The following GPR17 variants were observed in gnomAD, a reference collection of about 807,000 sequenced individuals.
The protein encoded by GPR17 is G protein-coupled receptor 17, also known as uracil nucleotide/cysteinyl leukotriene receptor.
A neutral mutation model predicts 1.5 loss-of-function variants in GPR17; 4 were observed. The ratio of observed to expected loss-of-function variants is 2.73; its 90% CI spans 1.35 to 6.25. The LOEUF (loss-of-function observed/expected upper bound fraction) is 6.25. GPR17 is among the 30% of genes most tolerant of loss of function. The pLI is 0.00. For synonymous variants in GPR17, 209 were observed against 207.6 expected, an observed-to-expected ratio of 1.01 and a Z score of -0.06; for missense variants, 463 against 462.1, an observed-to-expected ratio of 1.00 and a Z score of -0.02.
At chr2:127,646,860 C>A (rs1406555925) in intron 1 of GPR17, among the ~76,000 whole-genome samples, 5 of 152,238 alleles carry the variant, frequency 3.3e-5, no homozygotes, top group African/African-American at 1.2e-4. Flanking sequence ...GAGAGTGAAG[C>A]GGGGCCCATC....
rs1683814322 is a variant in GPR17 at position 127,651,689 on chromosome 2, G to A, written c.954G>A (p.Lys318=). 6.2e-7 allele frequency: 1 copy of A among 1,613,282 alleles called. No individual in the cohort carries two copies. The part of the protein sequence containing the change: ...LCNLLCGKRL[K]GPPPSFEGKT... Reference sequence around the variant, plus strand: ...ACTTGCTCTGTGGCAAAAGGCTCAAGGGCCCGCCCCCCAGCTTCGAAGGGA... The same window carrying A: ...ACTTGCTCTGTGGCAAAAGGCTCAAAGGCCCGCCCCCCAGCTTCGAAGGGA... Residue 318 remains lysine, a synonymous_variant, in exon 2 of 2, where the codon AAG becomes AAA. Coordinates refer to ENST00000486700, the MANE Select transcript of GPR17 (RefSeq NM_001161417.2).
At position 127,651,119 on chromosome 2, in the gene GPR17, C is replaced by T. The variant is rs766633812; in HGVS notation, c.384C>T (p.Asp128=). Residue 128 remains aspartate, a synonymous_variant, in exon 2 of 2, where the codon GAC becomes GAT. Transcript: ENST00000486700. ...SIYFLTCISA[D]RFLAIVHPVK... ...ACTTCCTCACCTGCATCAGCGCCGA[C>T]CGTTTCCTGGCCATTGTGCACCCGG... 1 of 1,613,578 alleles carries T rather than the reference C, an allele frequency of 6.2e-7. No homozygotes were observed. The highest frequency in any genetic ancestry group is 2.2e-5 in the East Asian group (1 of 44,888).
intron 1 of GPR17, chr2:127,649,911 G>C (rs1683534762): frequency 1.0e-6 from 1 of 955,008 alleles, no homozygotes; most frequent in Non-Finnish European, 1.6e-6. Flanking sequence ...AAGAGATGCT[G>C]CCCCCTGGTG....
In GPR17 at chr2:127,651,325, T is replaced by C. The variant is rs372161035; in HGVS notation, c.590T>C (p.Leu197Pro). Residue 197 changes from leucine (L) to proline (P), a missense_variant, in exon 2 of 2, where the codon CTG (leucine) becomes CCG (proline). Physicochemically the swap from Leu to Pro is moderately conservative, Grantham distance 98. Transcript: ENST00000486700. ...GCCTCCCACCATGCCCTGGTGTCCC[T>C]GGCAGTGGCCTTCACCTTCCCGTTC... Reference protein sequence around the residue: ...EKASHHALVSLAVAFTFPFIT... With the variant: ...EKASHHALVSPAVAFTFPFIT... 60 of 1,610,792 alleles carry C rather than the reference T, an allele frequency of 3.7e-5. No individual in the cohort carries two copies. Among genetic ancestry groups the C allele is most frequent in the Non-Finnish European group, 4.8e-5 (57 of 1,180,038 alleles).
chr2:127,647,346 C>G lies in GPR17; in HGVS notation c.-21+1102C>G, dbSNP rs895313055. On this transcript the variant is annotated intron_variant, in intron 1 of 1. Transcript: ENST00000486700. This position sits in a 1 kb window ranked among gnomAD's most constrained non-coding sequence, Gnocchi z 4.3. ...CTTCCAGGGAGTGAGACCGTTTCCC[C>G]GGTCTCACTTCCAGCTCCAGGGCCA... is the stretch of plus-strand genomic sequence containing the variant. Among the ~76,000 whole-genome samples the G allele has an allele frequency of 6.6e-6, 1 of 152,150 alleles. No individual in the cohort carries two copies. The highest frequency in any genetic ancestry group is 6.5e-5 in the Admixed American group (1 of 15,290).
In GPR17 at chr2:127,651,952, G is replaced by A. The variant is rs1333808829; in HGVS notation, c.*197G>A. On this transcript the variant is annotated 3_prime_UTR_variant, in exon 2 of 2. Coordinates refer to ENST00000486700, the MANE Select transcript of GPR17 (RefSeq NM_001161417.2). ...AAGGGGATCCATCGGCCACCCCTCT[G>A]CAGGGGCTTGTGATGGCTACAATGG... The A allele has an allele frequency of 8.0e-6, 5 of 621,756 alleles. No homozygotes were observed. In the African/African-American group the frequency reaches 9.3e-5, roughly 12 times the overall value. 38.5% of individuals were successfully genotyped at this position (621,756 alleles called of 1,614,324 possible). A position where few individuals can be genotyped will look rare whatever the true frequency, so the allele number is the denominator to read the frequency against.
At chr2:127,649,893 C>T (rs1309522114) in intron 1 of GPR17, 2 of 820,420 alleles carry the variant, frequency 2.4e-6, no homozygotes, top group Non-Finnish European at 2.0e-6. Context: ...TGGGTCTTCC[C>T]CTCCTGGAAG....
chr2:127,647,310 A>C lies in GPR17; in HGVS notation c.-21+1066A>C, dbSNP rs1683097167. Among the ~76,000 whole-genome samples the C allele has an allele frequency of 6.6e-6, 1 of 152,090 alleles. No individual in the cohort carries two copies. Among genetic ancestry groups the C allele is most frequent in the Non-Finnish European group, 1.5e-5 (1 of 67,980 alleles). On this transcript the variant is annotated intron_variant, in intron 1 of 1. Coordinates refer to ENST00000486700, the MANE Select transcript of GPR17 (RefSeq NM_001161417.2). This position sits in a 1 kb window ranked among gnomAD's most constrained non-coding sequence, Gnocchi z 4.3. The stretch of plus-strand genomic sequence containing the variant: ...ACTCTGAGACTGAGTCACACTCCCC[A>C]CCCTGGCGGTCTTCCAGGGAGTGAG...
chr2:127,651,502 C>T lies in GPR17; in HGVS notation c.767C>T (p.Ser256Phe), dbSNP rs185075451. Reference protein sequence around the residue: ...VCFVPYHVNRSVYVLHYRSHG... With the variant: ...VCFVPYHVNRFVYVLHYRSHG... ...TTCGTGCCCTACCACGTCAACCGCT[C>T]CGTCTACGTGCTGCACTACCGCAGC... The change falls in exon 2 of 2, where the codon TCC (serine) becomes TTC (phenylalanine). Residue 256 changes from serine to phenylalanine, a missense_variant. Coordinates refer to ENST00000486700, the MANE Select transcript of GPR17 (RefSeq NM_001161417.2). The T allele has an allele frequency of 1.9e-6, 3 of 1,612,798 alleles. No individual in the cohort carries two copies. The East Asian group carries it at 6.7e-5, about 36-fold the overall frequency.
rs551245718 is a variant in GPR17, at chr2:127,651,049, G to A, written c.314G>A (p.Arg105His). 6.3e-5 allele frequency: 102 copies of A among 1,613,712 alleles called. No individual in the cohort carries two copies. In the Middle Eastern group the frequency reaches 9.9e-4, roughly 16 times the overall value. Residue 105 changes from arginine to histidine, a missense_variant, in exon 2 of 2, where the codon CGT (arginine) becomes CAT (histidine). Arg to His is a conservative substitution (Grantham distance 29, BLOSUM62 0). Transcript: ENST00000486700. ...NHWPFGEIAC[R>H]LTGFLFYLNM... is the part of the protein sequence containing the mutation. ...TGGCCATTTGGGGAAATCGCATGCC[G>A]TCTCACCGGCTTCCTCTTCTACCTC...
chr2:127,650,756 TC>T lies in GPR17; in HGVS notation c.26del (p.Pro9GlnfsTer3), dbSNP rs756513971. The T allele has an allele frequency of 2.3e-5, 37 of 1,612,138 alleles. No individual in the cohort carries two copies. In the African/African-American group the frequency reaches 4.5e-4, roughly 20 times the overall value. MNGLEVA[P>X]PGLITNFSLA... The stretch of plus-strand genomic sequence containing the variant: ...AAAGCATGAATGGCCTTGAAGTGGC[TC>T]CCCCAGGTCTGATCACCAACTTCTC... On this transcript the variant is annotated frameshift_variant, in exon 2 of 2. Transcript: ENST00000486700. LOFTEE classifies it low-confidence loss of function (END_TRUNC).
At chr2:127,648,984 GA>G (rs1176595612) in intron 1 of GPR17, among the ~76,000 whole-genome samples, 211 of 24,256 alleles carry the variant, frequency 8.7e-3, no homozygotes, top group Non-Finnish European at 0.012. Context: ...GGAGGGAGGG[GA>G]GGGGAGGGAG....
rs770651937 is a variant in GPR17, at chr2:127,651,268, C to T, written c.533C>T (p.Thr178Met). 32 of 1,606,198 alleles carry T rather than the reference C, an allele frequency of 2.0e-5. No homozygotes were observed. Among genetic ancestry groups the T allele is most frequent in the South Asian group, 5.5e-5 (5 of 90,954 alleles). Residue 178 changes from threonine to methionine, a missense_variant, in exon 2 of 2, where the codon ACG becomes ATG. Physicochemically the swap from Thr to Met is moderately conservative, Grantham distance 81. Transcript: ENST00000486700. ...CCACAGACCGTGCAGACCAACCACA[C>T]GGTGGTCTGCCTGCAGCTGTACCGG... The part of the protein sequence containing the change: ...VSPQTVQTNH[T>M]VVCLQLYREK...
At chr2:127,646,872 C>T (rs1160021373) in intron 1 of GPR17, among the ~76,000 whole-genome samples, 5 of 152,260 alleles carry the variant, frequency 3.3e-5, no homozygotes, top group Non-Finnish European at 5.9e-5. Context: ...GGGCCCATCT[C>T]AGACCAAACT....
Position 127,651,169 on chromosome 2 carries a change from C to G in GPR17, c.434C>G (p.Pro145Arg). The change falls in exon 2 of 2, where the codon CCC (proline) becomes CGC (arginine). Residue 145 changes from proline (P) to arginine (R), a missense_variant. Physicochemically the swap from Pro to Arg is moderately radical, Grantham distance 103 (BLOSUM62 -2). Coordinates refer to ENST00000486700, the MANE Select transcript of GPR17 (RefSeq NM_001161417.2). ...GTCAAGTCCCTCAAGCTCCGCAGGC[C>G]CCTCTACGCACACCTGGCCTGTGCC... The part of the protein sequence containing the change: ...HPVKSLKLRR[P>R]LYAHLACAFL... 1 of 1,612,686 alleles carries G rather than the reference C, an allele frequency of 6.2e-7. No homozygotes were observed. The highest frequency in any genetic ancestry group is 8.5e-7 in the Non-Finnish European group (1 of 1,179,966).
chr2:127,648,950 G>GGGAGGGGAGGGGAGGGGA (rs1683295224), intron 1 of GPR17, among the ~76,000 whole-genome samples: 4 of 40,362 alleles, frequency 9.9e-5, no homozygotes, highest in Admixed American at 2.1e-4. Flanking sequence ...AGAGAGGGAG[G>GGGAGGGGAGGGGAGGGGA]GGAGGGGAGG....
rs569692437 is a variant in GPR17, at chr2:127,647,496, T to C, written c.-21+1252T>C. Among the ~76,000 whole-genome samples, 15 of 152,088 alleles carry C rather than the reference T, an allele frequency of 9.9e-5. No homozygotes were observed. Among genetic ancestry groups the C allele is most frequent in the Non-Finnish European group, 1.8e-4 (12 of 67,964 alleles). ...CAGGCCCCCACCATGCCAGGCAGAGTGGTCAGTCGTACCTATGAGCTGCTC... is the reference window on the plus strand; with the variant it reads ...CAGGCCCCCACCATGCCAGGCAGAGCGGTCAGTCGTACCTATGAGCTGCTC... On this transcript the variant is annotated intron_variant, in intron 1 of 1. Transcript: ENST00000486700. The surrounding 1 kb of genome is among the most constrained non-coding windows in gnomAD (Gnocchi z 4.3).
intron 1 of GPR17, among the ~76,000 whole-genome samples, chr2:127,648,627 C>A (rs113335030): frequency 0.015 from 2,269 of 152,182 alleles, 58 homozygotes; most frequent in African/African-American, 0.052. Flanking sequence ...AGGGGCTGGG[C>A]GCAGTGACTC....
rs1290762241 is a variant in GPR17 at position 127,647,232 on chromosome 2, G to A, written c.-21+988G>A. Among the ~76,000 whole-genome samples, 3 of 152,176 alleles carry A rather than the reference G, an allele frequency of 2.0e-5. No individual in the cohort carries two copies. The highest frequency in any genetic ancestry group is 4.4e-5 in the Non-Finnish European group (3 of 68,014). On this transcript the variant is annotated intron_variant, in intron 1 of 1. Transcript: ENST00000486700. This position sits in a 1 kb window ranked among gnomAD's most constrained non-coding sequence, Gnocchi z 4.3. ...ATACATGGGCCCCTAAAATGAGGGAGTGGCCCCAGGGCCAGGAGGGGGTGC... is the reference window on the plus strand; with the variant it reads ...ATACATGGGCCCCTAAAATGAGGGAATGGCCCCAGGGCCAGGAGGGGGTGC...
Sources: allele counts gnomAD v4.1 joint callset (sites outside exome capture counted in the v4.1 genomes callset), GRCh38; gene constraint gnomAD v4.1.1; non-coding constraint Gnocchi (gnomAD v3.1); transcripts MANE v1.5; gene names NCBI Gene and HGNC (gene_info 2026-07-23, HGNC 2026-07-21).